AMN1: variants seen among roughly 807,000 people sequenced by gnomAD.
The protein encoded by AMN1 is protein AMN1 homolog.
AMN1 carries 20 observed loss-of-function variants against 33.0 expected under a neutral mutation model. The observed-to-expected ratio is 0.61, with a 90% confidence interval of 0.43 to 0.88. The LOEUF is 0.88. Among genes scored for constraint, AMN1 ranks in the 40% least tolerant of loss-of-function variants. AMN1 has a pLI of 0.00. For synonymous variants in AMN1, 114 were observed against 111.9 expected (o/e 1.02, Z -0.12); for missense variants, 246 against 307.4 (o/e 0.80, Z 1.49).
chr12:31,722,130 GACACACACACAC>G (rs57266162), intron 1 of AMN1, among the ~76,000 whole-genome samples: 4,572 of 144,020 alleles, frequency 0.032, 80 homozygotes, highest in African/African-American at 0.045. Flanking sequence ...TCAGGCCTTT[GACACACACACAC>G]ACACACACAC....
chr12:31,711,258 C>T (rs1046597434), intron 1 of AMN1, among the ~76,000 whole-genome samples: 2 of 152,064 alleles, frequency 1.3e-5, no homozygotes, highest in Non-Finnish European at 2.9e-5. Context: ...CCATTCCCCA[C>T]CCCTCTAGGA....
chr12:31,695,466 T>C (rs546909840), intron 5 of AMN1, among the ~76,000 whole-genome samples: 99 of 119,144 alleles, frequency 8.3e-4, no homozygotes, highest in African/African-American at 2.9e-3. Context: ...ATAATAAATA[T>C]AGTAATTTCT....
At chr12:31,679,044 C>G (rs906604198) in intron 6 of AMN1, among the ~76,000 whole-genome samples, 2 of 152,158 alleles carry the variant, frequency 1.3e-5, no homozygotes, top group Non-Finnish European at 2.9e-5. Flanking sequence ...CATGGCAGCT[C>G]ACGCCTGTAA....
At position 31,697,947 on chromosome 12, in the gene AMN1, A is replaced by G; in HGVS notation, c.327T>C (p.Ala109=). Residue 109 remains alanine, a synonymous_variant, in exon 4 of 7, where the codon GCT becomes GCC. Coordinates refer to ENST00000281471, the MANE Select transcript of AMN1 (RefSeq NM_001113402.2). ...GTAGGTATGAACAAGATGAAGCCAC[A>G]GCTTTTATTCCTGGGGGAAAATATA... ...RVSVTSEGIK[A]VASSCSYLHE... 1 of 1,613,916 alleles carries G rather than the reference A, an allele frequency of 6.2e-7. No homozygotes were observed. Among genetic ancestry groups the G allele is most frequent in the South Asian group, 1.1e-5 (1 of 91,082 alleles).
chr12:31,701,837 A>G, intron 3 of AMN1, 26 bp downstream of exon 3: 1 of 1,570,366 alleles, frequency 6.4e-7, no homozygotes. Context: ...GTAATCTACC[A>G]ATGTACTCAG....
intron 2 of AMN1, among the ~76,000 whole-genome samples, chr12:31,703,493 C>T (rs1939095372): frequency 6.6e-6 from 1 of 152,084 alleles, no homozygotes; most frequent in South Asian, 2.1e-4. Context: ...TTTTTCCCAT[C>T]TTTATGTCTG....
intron 1 of AMN1, among the ~76,000 whole-genome samples, chr12:31,712,053 C>T (rs1372725427): frequency 2.7e-5 from 4 of 150,834 alleles, no homozygotes; most frequent in Non-Finnish European, 5.9e-5. Context: ...CCCCTCCCTC[C>T]CTTCCTCCCT....
At chr12:31,726,847 C>T (rs575649885) in intron 1 of AMN1, among the ~76,000 whole-genome samples, 36 of 152,266 alleles carry the variant, frequency 2.4e-4, no homozygotes, top group Admixed American at 8.5e-4. Context: ...TGTAGTCATC[C>T]CTGTCTTAGC....
intron 1 of AMN1, chr12:31,715,071 T>G: frequency 4.2e-6 from 1 of 237,828 alleles, no homozygotes; most frequent in Non-Finnish European, 6.8e-6. Context: ...AGTACAGTAC[T>G]AGCCATTAAC....
At chr12:31,727,816 T>A (rs150757563) in intron 1 of AMN1, among the ~76,000 whole-genome samples, 5,129 of 152,292 alleles carry the variant, frequency 0.034, 252 homozygotes, top group East Asian at 0.22. Context: ...CACTGCAACC[T>A]CTGCCTCCTG....
At chr12:31,677,159 G>A (rs907938893) in intron 6 of AMN1, among the ~76,000 whole-genome samples, 6 of 152,126 alleles carry the variant, frequency 3.9e-5, no homozygotes, top group Non-Finnish European at 7.3e-5. Flanking sequence ...AATTAGCTGG[G>A]CGTAGTGGCG....
Position 31,689,043 on chromosome 12 carries a change from G to A in AMN1, c.667C>T (p.Arg223Cys), listed in dbSNP as rs368170163. ...GGGCATCCATGGAAGAGTAATATAC[G>A]TATTTGAGGACAGTAAGTAAGGACA... ...EAVLTYCPQIRILLFHGCPLI... is the reference protein window; with the variant it reads ...EAVLTYCPQICILLFHGCPLI... Residue 223 changes from arginine (R) to cysteine (C), a missense_variant, in exon 6 of 7, where the codon CGT becomes TGT. Arg to Cys is a radical substitution (Grantham distance 180). Transcript: ENST00000281471. 147 of 1,613,140 alleles carry A rather than the reference G, an allele frequency of 9.1e-5. No individual in the cohort carries two copies. The highest frequency in any genetic ancestry group is 4.2e-4 in the Admixed American group (25 of 59,956).
intron 1 of AMN1, among the ~76,000 whole-genome samples, chr12:31,723,960 G>C (rs1270727391): frequency 6.6e-6 from 1 of 152,218 alleles, no homozygotes; most frequent in Non-Finnish European, 1.5e-5. Flanking sequence ...TGTTCCTCTT[G>C]CACATGACCT....
intron 1 of AMN1, among the ~76,000 whole-genome samples, chr12:31,726,208 C>T (rs551645259): frequency 6.8e-6 from 1 of 146,348 alleles, no homozygotes; most frequent in Admixed American, 7.0e-5. Flanking sequence ...GTTGCCCAAA[C>T]TGGAGTGCAA....
intron 6 of AMN1, among the ~76,000 whole-genome samples, chr12:31,677,435 C>T (rs2139652366): frequency 6.6e-6 from 1 of 152,346 alleles, no homozygotes; most frequent in East Asian, 1.9e-4. Context: ...AGTTAAGCCA[C>T]TTTACATTAA....
chr12:31,680,641 T>G lies in AMN1; in HGVS notation c.704-8264A>C, dbSNP rs369743506. Among the ~76,000 whole-genome samples the G allele has an allele frequency of 1.6e-4, 24 of 152,348 alleles. No homozygotes were observed. In the East Asian group the frequency reaches 2.5e-3, roughly 16 times the overall value. On this transcript the variant is annotated intron_variant, in intron 6 of 6. Transcript: ENST00000281471. Reference sequence around the variant, plus strand: ...TTATTCTAACTAAGGTTAAGAAATTTTATAAATACTTAGAAACATAGTCGA... The same window carrying G: ...TTATTCTAACTAAGGTTAAGAAATTGTATAAATACTTAGAAACATAGTCGA...
intron 6 of AMN1, 68 bp downstream of exon 6, chr12:31,688,939 A>T: frequency 1.0e-6 from 1 of 972,224 alleles, no homozygotes; most frequent in Non-Finnish European, 1.6e-6. Context: ...TGGGTTAAGT[A>T]ATGTACTCAA....
chr12:31,729,036 G>T (rs535179290), upstream of AMN1: 22 of 1,530,396 alleles, frequency 1.4e-5, no homozygotes, highest in South Asian at 1.8e-4. Context: ...CCTCTTCCGC[G>T]GTCCCAGGGC....
chr12:31,675,554 G>A (rs1951369342), intron 6 of AMN1, among the ~76,000 whole-genome samples: 1 of 149,870 alleles, frequency 6.7e-6, no homozygotes, highest in African/African-American at 2.5e-5. Flanking sequence ...GGAGTTCAAT[G>A]ATGTGATCTT....
Sources: allele counts gnomAD v4.1 joint callset (sites outside exome capture counted in the v4.1 genomes callset), GRCh38; gene constraint gnomAD v4.1.1; transcripts MANE v1.5; gene names NCBI Gene and HGNC (gene_info 2026-07-23, HGNC 2026-07-21).